CDH13: variants seen among roughly 807,000 people sequenced by gnomAD.
CDH13 encodes the protein cadherin-13.
Under a neutral mutation model 63.8 loss-of-function variants are expected in CDH13, and 24 were observed. That is an observed-to-expected ratio of 0.38 (90% confidence interval 0.27 to 0.53). The LOEUF is 0.53. Ranked by LOEUF, CDH13 falls within the 20% of genes least tolerant of loss-of-function variation. The probability of loss-of-function intolerance (pLI) is 0.85; values close to 1 mark genes in which losing one functional copy is unlikely to be tolerated. For synonymous variants in CDH13, 503 were observed against 355.3 expected, an observed-to-expected ratio of 1.42 and a Z score of -4.67; for missense variants, 1,049 against 903.1, an observed-to-expected ratio of 1.16 and a Z score of -2.07.
chr16:83,220,265 C>A (rs1326611852), intron 5 of CDH13, among the ~76,000 whole-genome samples: 5 of 152,172 alleles, frequency 3.3e-5, no homozygotes, highest in Non-Finnish European at 5.9e-5. Context: ...TTCTGCGGTT[C>A]TTTATTTTTA....
chr16:83,191,471 A>ATG (rs2038700628), intron 4 of CDH13, among the ~76,000 whole-genome samples: 2 of 121,152 alleles, frequency 1.7e-5, no homozygotes, highest in African/African-American at 6.1e-5. Flanking sequence ...ATATATATAT[A>ATG]TATATATATA....
intron 9 of CDH13, among the ~76,000 whole-genome samples, chr16:83,675,181 A>T (rs1209589530): frequency 6.6e-6 from 1 of 152,214 alleles, no homozygotes; most frequent in Non-Finnish European, 1.5e-5. Context: ...CACATTAGTA[A>T]GATTGTGTGC....
intron 3 of CDH13, among the ~76,000 whole-genome samples, chr16:83,063,199 T>C (rs569926575): frequency 9.2e-5 from 14 of 152,240 alleles, no homozygotes; most frequent in African/African-American, 3.4e-4. Context: ...TGAACTCAGG[T>C]GATCCACCCA....
chr16:83,578,199 C>T (rs773695898), intron 7 of CDH13, among the ~76,000 whole-genome samples: 27 of 152,168 alleles, frequency 1.8e-4, no homozygotes, highest in Non-Finnish European at 2.5e-4. Flanking sequence ...GAAAATATAT[C>T]GCTGGCTAGC....
intron 10 of CDH13, among the ~76,000 whole-genome samples, chr16:83,729,685 C>CGACT (rs1437084453): frequency 6.6e-6 from 1 of 152,182 alleles, no homozygotes; most frequent in Non-Finnish European, 1.5e-5. Flanking sequence ...TATTGTTAGA[C>CGACT]TTAAATAAGC....
intron 4 of CDH13, among the ~76,000 whole-genome samples, chr16:83,200,416 C>CT (rs2038992128): frequency 6.6e-6 from 1 of 152,182 alleles, no homozygotes; most frequent in Non-Finnish European, 1.5e-5. Flanking sequence ...TTCCATGTCT[C>CT]TAAGCATTCA....
At chr16:83,388,302 A>AAAAAT (rs369123902) in intron 6 of CDH13, among the ~76,000 whole-genome samples, 2 of 149,720 alleles carry the variant, frequency 1.3e-5, no homozygotes, top group East Asian at 2.0e-4. Flanking sequence ...AAAAAAAAAA[A>AAAAAT]TGTTAGCCAG....
intron 8 of CDH13, among the ~76,000 whole-genome samples, chr16:83,608,965 A>G (rs1229225038): frequency 6.6e-6 from 1 of 152,202 alleles, no homozygotes; most frequent in Non-Finnish European, 1.5e-5. Flanking sequence ...AACAAAAGGT[A>G]TAGGCTTTCT....
intron 5 of CDH13, among the ~76,000 whole-genome samples, chr16:83,223,008 C>G (rs1042995653): frequency 6.6e-6 from 1 of 152,120 alleles, no homozygotes; most frequent in Non-Finnish European, 1.5e-5. Flanking sequence ...CACCCACACA[C>G]ACACCTAATC....
intron 4 of CDH13, among the ~76,000 whole-genome samples, chr16:83,135,799 G>T (rs1441771586): frequency 6.6e-6 from 1 of 152,178 alleles, no homozygotes; most frequent in Non-Finnish European, 1.5e-5. Context: ...AGTGGATAAA[G>T]AAACTGTGAC....
chr16:82,828,211 G>C (rs568640284), intron 1 of CDH13, among the ~76,000 whole-genome samples: 3 of 152,306 alleles, frequency 2.0e-5, no homozygotes, highest in Non-Finnish European at 1.5e-5. Context: ...TTAGAGAAAA[G>C]CTTGGGCCGC....
chr16:83,307,623 C>G (rs990085158), intron 5 of CDH13, among the ~76,000 whole-genome samples: 1 of 152,298 alleles, frequency 6.6e-6, no homozygotes, highest in East Asian at 1.9e-4. Flanking sequence ...GTAAAATAAA[C>G]CCACACTGCT....
At chr16:83,010,381 A>G (rs939098992) in intron 2 of CDH13, among the ~76,000 whole-genome samples, 4 of 152,106 alleles carry the variant, frequency 2.6e-5, no homozygotes, top group Non-Finnish European at 5.9e-5. Context: ...AGCTTGAATG[A>G]CAGAGATGCA....
chr16:82,746,280 G>GTTTA (rs2034169531), intron 1 of CDH13, among the ~76,000 whole-genome samples: 22 of 135,176 alleles, frequency 1.6e-4, no homozygotes, highest in South Asian at 2.5e-4. Flanking sequence ...TAAACACACT[G>GTTTA]TATGTATGAT....
At chr16:82,883,409 G>A (rs1204785430) in intron 2 of CDH13, among the ~76,000 whole-genome samples, 1 of 152,308 alleles carries the variant, frequency 6.6e-6, no homozygotes, top group East Asian at 1.9e-4. Flanking sequence ...GGGGGAACGT[G>A]TGCAAATGCA....
chr16:83,075,966 A>C (rs2151551481), intron 3 of CDH13, among the ~76,000 whole-genome samples: 1 of 152,336 alleles, frequency 6.6e-6, no homozygotes, highest in African/African-American at 2.4e-5. Context: ...CGTGACAAAA[A>C]CCAAACCAGG....
At chr16:83,037,768 A>C (rs146243356) in intron 3 of CDH13, among the ~76,000 whole-genome samples, 1 of 152,118 alleles carries the variant, frequency 6.6e-6, no homozygotes, top group Non-Finnish European at 1.5e-5. Flanking sequence ...AGTGGGTTCA[A>C]ATTTCTGCTA....
intron 1 of CDH13, chr16:82,844,457 C>G (rs935899211): frequency 6.6e-6 from 1 of 150,816 alleles, no homozygotes; most frequent in South Asian, 2.1e-4. Flanking sequence ...AAAAATTAGC[C>G]GGGCGTGGTG....
chr16:83,015,696 T>TATATAC (rs1914712941), intron 2 of CDH13, among the ~76,000 whole-genome samples: 1 of 111,816 alleles, frequency 8.9e-6, no homozygotes, highest in African/African-American at 3.2e-5. Flanking sequence ...TATATATATA[T>TATATAC]ATATATATAT....
Sources: allele counts gnomAD v4.1 joint callset (sites outside exome capture counted in the v4.1 genomes callset), GRCh38; gene constraint gnomAD v4.1.1; transcripts MANE v1.5; gene names NCBI Gene and HGNC (gene_info 2026-07-23, HGNC 2026-07-21).